The following IL31RA variants were observed in gnomAD, a reference collection of about 807,000 sequenced individuals.
IL31RA encodes the protein interleukin 31 receptor A, also known as interleukin-31 receptor subunit alpha.
IL31RA carries 66 observed loss-of-function variants against 83.7 expected under a neutral mutation model. The ratio of observed to expected loss-of-function variants is 0.79; its 90% CI spans 0.65 to 0.97. The LOEUF is 0.97. Among genes scored for constraint, IL31RA ranks in the 50% least tolerant of loss-of-function variants. IL31RA has a pLI of 0.00. For synonymous variants in IL31RA, 325 were observed against 329.0 expected (o/e 0.99, Z 0.13); for missense variants, 798 against 919.4 (o/e 0.87, Z 1.71).
At position 55,922,605 on chromosome 5, in the gene IL31RA, T is replaced by C. The variant is rs375944674; in HGVS notation, c.*5485T>C. ...ACCTACGGATGCAATCTGTAATGCA[T>C]GTGCATGAGAAGTCTGTTATTAAGT... On this transcript the variant is annotated 3_prime_UTR_variant, in exon 15 of 15. Transcript: ENST00000652347. 5.1e-6 allele frequency: 3 copies of C among 585,864 alleles called. No homozygotes were observed. The highest frequency in any genetic ancestry group is 2.4e-5 in the South Asian group (1 of 42,436). 36.3% of individuals were successfully genotyped at this position (585,864 alleles called of 1,614,324 possible).
In IL31RA at chr5:55,917,348, T is replaced by G; in HGVS notation, c.*228T>G. The G allele has an allele frequency of 7.1e-7, 1 of 1,399,470 alleles. No homozygotes were observed. The highest frequency in any genetic ancestry group is 9.3e-7 in the Non-Finnish European group (1 of 1,076,594). 86.7% of individuals were successfully genotyped at this position (1,399,470 alleles called of 1,614,324 possible). A position where few individuals can be genotyped will look rare whatever the true frequency, so the allele number is the denominator to read the frequency against. On this transcript the variant is annotated 3_prime_UTR_variant, in exon 15 of 15. Transcript: ENST00000652347. ...AGTTTTGTAAAGGAACAGCAGTCTC[T>G]TTTCGTTTGTTCAGATACCAAGCTC...
intron 2 of IL31RA, among the ~76,000 whole-genome samples, chr5:55,866,141 T>G (rs1300843300): frequency 6.6e-6 from 1 of 152,112 alleles, no homozygotes; most frequent in East Asian, 1.9e-4. Context: ...CCCCTGACTT[T>G]GAGGGCACAG....
At chr5:55,912,168 C>T (rs1418212111) in intron 12 of IL31RA, among the ~76,000 whole-genome samples, 1 of 152,034 alleles carries the variant, frequency 6.6e-6, no homozygotes, top group Non-Finnish European at 1.5e-5. Context: ...CACCCTGCTT[C>T]CATTTTTGAT....
chr5:55,851,763 G>T, intron 1 of IL31RA, 130 bp downstream of exon 1: 2 of 1,585,926 alleles, frequency 1.3e-6, no homozygotes, highest in Non-Finnish European at 8.6e-7. Context: ...ATGAGATTCC[G>T]TGGCATAATT....
At chr5:55,842,726 T>A in the IL31RA span, among the ~76,000 whole-genome samples, 1 of 152,188 alleles carries the variant, frequency 6.6e-6, no homozygotes, top group Non-Finnish European at 1.5e-5. Flanking sequence ...TTTTCCTGGG[T>A]GGGGCCTGTT....
At chr5:55,875,891 CTG>C (rs1746815509) in intron 4 of IL31RA, among the ~76,000 whole-genome samples, 1 of 152,054 alleles carries the variant, frequency 6.6e-6, no homozygotes. Context: ...TGAAGAAACT[CTG>C]TTTTTATAAT....
chr5:55,906,200 G>A lies in IL31RA; in HGVS notation c.1164G>A (p.Met388Ile), dbSNP rs1291596197. The change falls in exon 9 of 15, where the codon ATG (methionine) becomes ATA (isoleucine). Residue 388 changes from methionine (M) to isoleucine (I), a missense_variant. Coordinates refer to ENST00000652347, the MANE Select transcript of IL31RA (RefSeq NM_139017.7). Reference protein sequence around the residue: ...QSSALDVNTWMIEWFPDVDSE... With the variant: ...QSSALDVNTWIIEWFPDVDSE... ...CTGCTCTAGACGTGAACACTTGGAT[G>A]ATTGAATGGTTTCCGGATGTGGACT... 3 of 1,614,206 alleles carry A rather than the reference G, an allele frequency of 1.9e-6. No individual in the cohort carries two copies. The Admixed American group carries it at 5.0e-5, about 27-fold the overall frequency.
chr5:55,851,753 A>T, intron 1 of IL31RA, 120 bp downstream of exon 1: 2 of 1,597,492 alleles, frequency 1.3e-6, no homozygotes, highest in East Asian at 2.2e-5. Flanking sequence ...CCTGAGCCGT[A>T]TGAGATTCCG....
Position 55,916,900 on chromosome 5 carries a change from C to T in IL31RA, c.2075C>T (p.Ser692Leu), listed in dbSNP as rs1749820381. ...LGKSFEELPV[S>L]PEIPPRKSQY... ...AAAAGTTTTGAGGAGCTCCCAGTTT[C>T]ACCTGAGATTCCGCCCAGAAAATCC... The change falls in exon 15 of 15, where the codon TCA (serine) becomes TTA (leucine). Residue 692 changes from serine to leucine, a missense_variant. Coordinates refer to ENST00000652347, the MANE Select transcript of IL31RA (RefSeq NM_139017.7). 1 of 1,613,996 alleles carries T rather than the reference C, an allele frequency of 6.2e-7. No homozygotes were observed. The highest frequency in any genetic ancestry group is 1.7e-5 in the Admixed American group (1 of 60,010).
At chr5:55,892,725 T>C (rs1748081195) in intron 6 of IL31RA, among the ~76,000 whole-genome samples, 1 of 152,218 alleles carries the variant, frequency 6.6e-6, no homozygotes, top group Non-Finnish European at 1.5e-5. Context: ...CCATCGTGGC[T>C]CAGAGTCTCA....
At chr5:55,891,501 T>C (rs116006267) in intron 6 of IL31RA, among the ~76,000 whole-genome samples, 175 of 152,318 alleles carry the variant, frequency 1.1e-3, no homozygotes, top group African/African-American at 3.8e-3. Flanking sequence ...CTCCAGCTTC[T>C]AGTGGCTGCC....
chr5:55,855,924 C>G (rs576019635), intron 1 of IL31RA, among the ~76,000 whole-genome samples: 1 of 152,172 alleles, frequency 6.6e-6, no homozygotes, highest in South Asian at 2.1e-4. Context: ...TAAGATGGAG[C>G]CTTGGTCTGT....
In IL31RA at chr5:55,922,630, T is replaced by C; in HGVS notation, c.*5510T>C. The C allele has an allele frequency of 1.8e-6, 1 of 551,806 alleles. No homozygotes were observed. The allele number at this position is 551,806 out of a possible 1,614,324, so 34.2% of individuals were successfully genotyped here. On this transcript the variant is annotated 3_prime_UTR_variant, in exon 15 of 15. Coordinates refer to ENST00000652347, the MANE Select transcript of IL31RA (RefSeq NM_139017.7). ...TGTGCATGAGAAGTCTGTTATTAAG[T>C]AGAGTGTGAAAACATGGTTATGGTA...
the IL31RA span, among the ~76,000 whole-genome samples, chr5:55,844,752 T>C: frequency 0.037 from 2 of 54 alleles, no homozygotes; most frequent in Admixed American, 0.33. Flanking sequence ...ATGAGTATGT[T>C]ACACCTTTGC....
At chr5:55,885,983 G>C (rs1747572123) in intron 5 of IL31RA, among the ~76,000 whole-genome samples, 1 of 152,112 alleles carries the variant, frequency 6.6e-6, no homozygotes, top group South Asian at 2.1e-4. Context: ...GCTGCTGGGG[G>C]ATAGGATTCA....
At chr5:55,847,226 GAAAA>G (rs57491641), upstream of IL31RA, among the ~76,000 whole-genome samples, 5,999 of 118,744 alleles carry the variant, frequency 0.051, 370 homozygotes, top group African/African-American at 0.13. Context: ...CTGGGCAACA[GAAAA>G]AAAAAAAAAA....
At chr5:55,888,701 G>C (rs1045820998) in intron 5 of IL31RA, among the ~76,000 whole-genome samples, 6 of 152,118 alleles carry the variant, frequency 3.9e-5, no homozygotes, top group Admixed American at 1.3e-4. Flanking sequence ...ACAACAGGCT[G>C]TCTCAAGTTA....
chr5:55,851,232 C>A (rs1476598186), upstream of IL31RA: 1 of 377,168 alleles, frequency 2.7e-6, no homozygotes, highest in African/African-American at 2.0e-5. Flanking sequence ...GTGTGTGTTT[C>A]TGTTTAAAGA....
chr5:55,883,885 G>A (rs184918624), intron 5 of IL31RA, among the ~76,000 whole-genome samples: 32 of 152,198 alleles, frequency 2.1e-4, no homozygotes, highest in Non-Finnish European at 3.8e-4. Flanking sequence ...ATTTTCTAAT[G>A]TTTGGCTTCT....
Sources: allele counts gnomAD v4.1 joint callset (sites outside exome capture counted in the v4.1 genomes callset), GRCh38; gene constraint gnomAD v4.1.1; transcripts MANE v1.5; gene names NCBI Gene and HGNC (gene_info 2026-07-23, HGNC 2026-07-21).